CEMIP: variants seen among roughly 807,000 people sequenced by gnomAD.
CEMIP encodes cell migration inducing hyaluronidase 1.
A neutral mutation model predicts 156.9 loss-of-function variants in CEMIP; 105 were observed. The observed-to-expected ratio is 0.67, with a 90% CI of 0.57 to 0.79. The LOEUF (loss-of-function observed/expected upper bound fraction) is 0.79, where lower values mean the gene tolerates loss of function less well. CEMIP is among the 30% of genes least tolerant of loss of function. CEMIP has a pLI of 0.00. For synonymous variants in CEMIP, 676 were observed against 668.4 expected, an observed-to-expected ratio of 1.01 and a Z score of -0.17; for missense variants, 1,457 against 1,769.4, an observed-to-expected ratio of 0.82 and a Z score of 3.17.
Position 80,928,902 on chromosome 15 carries a change from G to A in CEMIP, c.2421G>A (p.Arg807=). The A allele has an allele frequency of 6.2e-7, 1 of 1,613,946 alleles. No individual in the cohort carries two copies. Among genetic ancestry groups the A allele is most frequent in the Non-Finnish European group, 8.5e-7 (1 of 1,180,044 alleles). Residue 807 remains arginine (R), a splice_region_variant and synonymous_variant, in exon 20 of 30, where the codon CGG becomes CGA. Coordinates refer to ENST00000394685, the MANE Select transcript of CEMIP (RefSeq NM_001293298.2). ...RGGDVWLDSC[R]FADNGIGLTL... Reference sequence around the variant, plus strand: ...ACTATCTATCTGCTCTTGCCCACAGGTTTGCTGACAATGGCATTGGCCTGA... The same window carrying A: ...ACTATCTATCTGCTCTTGCCCACAGATTTGCTGACAATGGCATTGGCCTGA...
intron 12 of CEMIP, chr15:80,901,071 G>T: frequency 2.4e-6 from 1 of 419,786 alleles, no homozygotes; most frequent in Non-Finnish European, 4.8e-6. Context: ...ACACCTCACA[G>T]TGTGGCAGTT....
chr15:80,858,322 A>G (rs1371168852), intron 1 of CEMIP, among the ~76,000 whole-genome samples: 2 of 152,210 alleles, frequency 1.3e-5, no homozygotes, highest in East Asian at 3.8e-4. Context: ...TTTTGGGGAC[A>G]TGATACAATT....
Position 80,881,065 on chromosome 15 carries a change from G to C in CEMIP, c.546G>C (p.Arg182Ser), listed in dbSNP as rs1428713929. ...CAGAAGGAGGCTATTTTTTTGAAAG[G>C]AGCTGGGGCCACCGTGGAGTTATTG... ...GMAEGGYFFE[R>S]SWGHRGVIVH... The change falls in exon 6 of 30, where the codon AGG becomes AGC. Residue 182 changes from arginine to serine, a missense_variant. Physicochemically the swap from Arg to Ser is moderately radical, Grantham distance 110. Around this residue, in one of 5 missense-constraint regions of CEMIP, gnomAD observed 309 missense variants for 340.8 expected, o/e 0.91. Coordinates refer to ENST00000394685, the MANE Select transcript of CEMIP (RefSeq NM_001293298.2). The C allele has an allele frequency of 1.2e-6, 2 of 1,614,074 alleles. No individual in the cohort carries two copies. The highest frequency in any genetic ancestry group is 2.7e-5 in the African/African-American group (2 of 74,928).
Position 80,936,823 on chromosome 15 carries a change from C to G in CEMIP, c.3159C>G (p.Tyr1053Ter). The change falls in exon 24 of 30, where the codon TAC (tyrosine) becomes TAG (stop). Residue 1053 changes from tyrosine to a stop codon, truncating the protein, a stop_gained. Coordinates refer to ENST00000394685, the MANE Select transcript of CEMIP (RefSeq NM_001293298.2). LOFTEE classifies it high-confidence loss of function. Reference sequence around the variant, plus strand: ...CGGTTGTCACCCTGCAGAAGGGCTACACCATCCACTGGGACCAGACGGCCC... The same window carrying G: ...CGGTTGTCACCCTGCAGAAGGGCTAGACCATCCACTGGGACCAGACGGCCC... ...YQPVVTLQKG[Y>*]TIHWDQTAPA... 1 of 1,614,140 alleles carries G rather than the reference C, an allele frequency of 6.2e-7. No individual in the cohort carries two copies. The highest frequency in any genetic ancestry group is 1.1e-5 in the South Asian group (1 of 91,088).
intron 1 of CEMIP, among the ~76,000 whole-genome samples, chr15:80,856,712 C>A (rs1897860361): frequency 6.6e-6 from 1 of 152,168 alleles, no homozygotes; most frequent in Non-Finnish European, 1.5e-5. Context: ...CTGGGTCTCA[C>A]TTTAGAGAGA....
At chr15:80,938,030 C>T (rs752712884) in intron 25 of CEMIP, 51 bp downstream of exon 25, 5 of 1,469,668 alleles carry the variant, frequency 3.4e-6, no homozygotes, top group African/African-American at 2.8e-5. Flanking sequence ...CTCATCTTGT[C>T]CCCTTGGCCT....
rs1348930237 is a variant in CEMIP at position 80,906,532 on chromosome 15, A to AACATGAGACC, written c.1412-128_1412-119dup. ...ACCTCCCTGACCTTCATCCTTCTGTAACATGAGACCACTGTGCACACCAGG... is the reference window on the plus strand; with the variant it reads ...ACCTCCCTGACCTTCATCCTTCTGTAACATGAGACCACATGAGACCACTGTGCACACCAGG... On this transcript the variant is annotated intron_variant, in intron 12 of 29. Transcript: ENST00000394685. The surrounding 1 kb of genome is among the most constrained non-coding windows in gnomAD (Gnocchi z 4.3). 1 of 859,844 alleles carries AACATGAGACC rather than the reference A, an allele frequency of 1.2e-6. No homozygotes were observed. The highest frequency in any genetic ancestry group is 1.8e-6 in the Non-Finnish European group (1 of 547,164). The allele number at this position is 859,844 out of a possible 1,614,324, so 53.3% of individuals were successfully genotyped here.
chr15:80,844,843 G>A (rs920202513), intron 1 of CEMIP, among the ~76,000 whole-genome samples: 1 of 152,212 alleles, frequency 6.6e-6, no homozygotes, highest in Non-Finnish European at 1.5e-5. Context: ...GCCCAGCCTT[G>A]GGTTGGGAGA....
In CEMIP at chr15:80,946,844, T is replaced by C. The variant is rs1047715032; in HGVS notation, c.3858-121T>C. On this transcript the variant is annotated intron_variant, in intron 28 of 29. Coordinates refer to ENST00000394685, the MANE Select transcript of CEMIP (RefSeq NM_001293298.2). ...GAGAGGCTGCCCTTTCCCGAATCCC[T>C]GGACAGGCCTCTGGGCACTGCTAAC... is the stretch of plus-strand genomic sequence containing the variant. 1.2e-5 allele frequency: 9 copies of C among 727,780 alleles called. No individual in the cohort carries two copies. In the African/African-American group the frequency reaches 1.4e-4, roughly 11 times the overall value. The allele number at this position is 727,780 out of a possible 1,614,324, so 45.1% of individuals were successfully genotyped here.
intron 25 of CEMIP, 81 bp downstream of exon 25, chr15:80,938,060 A>G: frequency 8.3e-7 from 1 of 1,199,816 alleles, no homozygotes; most frequent in Non-Finnish European, 1.2e-6. Context: ...GTCTAAGAAC[A>G]GCCATGTAGT....
chr15:80,927,037 G>A (rs551694788), intron 19 of CEMIP, among the ~76,000 whole-genome samples: 21 of 152,322 alleles, frequency 1.4e-4, no homozygotes, highest in African/African-American at 4.1e-4. Context: ...CACCACATTG[G>A]CCAGGCTGGT....
intron 14 of CEMIP, among the ~76,000 whole-genome samples, chr15:80,919,482 C>T (rs1485799044): frequency 6.6e-6 from 1 of 152,190 alleles, no homozygotes; most frequent in Non-Finnish European, 1.5e-5. Context: ...TAGAGCCTCA[C>T]CACCCCCAAC....
intron 14 of CEMIP, among the ~76,000 whole-genome samples, chr15:80,915,278 C>T (rs1470807443): frequency 2.0e-5 from 3 of 152,132 alleles, no homozygotes; most frequent in South Asian, 2.1e-4. Flanking sequence ...CGGGAAGGGA[C>T]GGTTATCGTT....
intron 14 of CEMIP, among the ~76,000 whole-genome samples, chr15:80,912,264 G>C (rs1010308739): frequency 6.6e-6 from 1 of 152,226 alleles, no homozygotes; most frequent in Non-Finnish European, 1.5e-5. Context: ...GAGCAGCCAC[G>C]TGGGTCACTT....
chr15:80,880,753 G>A, intron 5 of CEMIP, 147 bp from the exon 6 acceptor site: 1 of 774,180 alleles, frequency 1.3e-6, no homozygotes, highest in South Asian at 1.4e-5. Context: ...TATTTTTACT[G>A]ACCTCAGGTG....
intron 3 of CEMIP, among the ~76,000 whole-genome samples, chr15:80,874,866 T>G (rs1898417817): frequency 6.6e-6 from 1 of 152,186 alleles, no homozygotes; most frequent in African/African-American, 2.4e-5. Flanking sequence ...CCATTGAGTT[T>G]GATGCTTTTC....
intron 1 of CEMIP, among the ~76,000 whole-genome samples, chr15:80,817,640 A>ATAT (rs1555428058): frequency 2.7e-5 from 4 of 145,744 alleles, no homozygotes; most frequent in African/African-American, 7.5e-5. Context: ...AATAATAATA[A>ATAT]TATGTAAGTA....
chr15:80,849,931 T>C (rs2141732643), intron 1 of CEMIP, among the ~76,000 whole-genome samples: 1 of 152,144 alleles, frequency 6.6e-6, no homozygotes, highest in South Asian at 2.1e-4. Context: ...GCCCAAGGTG[T>C]GATGAGTTAG....
chr15:80,942,475 G>A (rs944176695), intron 27 of CEMIP, 138 bp downstream of exon 27: 14 of 751,556 alleles, frequency 1.9e-5, no homozygotes, highest in Non-Finnish European at 2.6e-5. Context: ...GGCTTGGGGC[G>A]GGGAACCTGT....
Sources: allele counts gnomAD v4.1 joint callset (sites outside exome capture counted in the v4.1 genomes callset), GRCh38; gene constraint gnomAD v4.1.1; regional missense constraint gnomAD v4.1.1; non-coding constraint Gnocchi (gnomAD v3.1); transcripts MANE v1.5; gene names NCBI Gene and HGNC (gene_info 2026-07-23, HGNC 2026-07-21).